Variants in CACNA1B observed in about 807,000 individuals in gnomAD.
The protein encoded by CACNA1B is voltage-dependent N-type calcium channel subunit alpha-1B.
Under a neutral mutation model 247.2 loss-of-function variants are expected in CACNA1B, and 70 were observed. The observed-to-expected ratio is 0.28, with a 90% CI of 0.23 to 0.35. CACNA1B has a LOEUF of 0.35. CACNA1B is among the 10% of genes least tolerant of loss of function. The probability of loss-of-function intolerance (pLI) is 1.00; values close to 1 mark genes in which losing one functional copy is unlikely to be tolerated. For missense variants in CACNA1B, 2,367 were observed against 3,197.4 expected, an observed-to-expected ratio of 0.74 and a Z score of 6.26; for synonymous variants, 1,231 against 1,294.4, an observed-to-expected ratio of 0.95 and a Z score of 1.05.
At chr9:138,088,161 G>T (rs1457780086) in intron 36 of CACNA1B, among the ~76,000 whole-genome samples, 1 of 152,112 alleles carries the variant, frequency 6.6e-6, no homozygotes, top group Non-Finnish European at 1.5e-5. Context: ...TTGAGGTTAG[G>T]AGTTCAAGAC....
In CACNA1B at chr9:137,964,762, G is replaced by T. The variant is rs193199731; in HGVS notation, c.1334-6621G>T. ...GCTGGAGAGGTGTTGTGGTCATTTGGAAGAAAAGGGGCACTCTGGCTTTTT... is the reference window on the plus strand; with the variant it reads ...GCTGGAGAGGTGTTGTGGTCATTTGTAAGAAAAGGGGCACTCTGGCTTTTT... On this transcript the variant is annotated intron_variant, in intron 10 of 46. Transcript: ENST00000371372. Among the ~76,000 whole-genome samples, 16 of 152,308 alleles carry T rather than the reference G, an allele frequency of 1.1e-4. No individual in the cohort carries two copies. In the East Asian group the frequency reaches 1.5e-3, roughly 15 times the overall value.
chr9:138,029,180 C>G (rs548364220), intron 20 of CACNA1B, among the ~76,000 whole-genome samples: 1 of 152,146 alleles, frequency 6.6e-6, no homozygotes, highest in Admixed American at 6.5e-5. Context: ...CATTATAAAA[C>G]TTGGCAGTGC....
intron 20 of CACNA1B, among the ~76,000 whole-genome samples, chr9:138,029,314 T>C (rs1296314359): frequency 6.6e-6 from 1 of 152,240 alleles, no homozygotes; most frequent in Admixed American, 6.5e-5. Flanking sequence ...TTATGTGGTC[T>C]TTAAATATTT....
At chr9:137,960,019 G>T (rs1462083651) in intron 10 of CACNA1B, among the ~76,000 whole-genome samples, 1 of 152,014 alleles carries the variant, frequency 6.6e-6, no homozygotes, top group African/African-American at 2.4e-5. Context: ...TTGAGTAAAA[G>T]AGTTGCAGGA....
At chr9:138,113,829 C>T (rs1340177353) in intron 40 of CACNA1B, among the ~76,000 whole-genome samples, 1 of 144,144 alleles carries the variant, frequency 6.9e-6, no homozygotes, top group Non-Finnish European at 1.5e-5. Flanking sequence ...CCGGGAGGTG[C>T]CCAACTCCAT....
At position 137,917,525 on chromosome 9, in the gene CACNA1B, C is replaced by T. The variant is rs1957425749; in HGVS notation, c.966+94C>T. ...CCATTTAGGGGGGCCCTTCTGACCTCAGAGCCTCTGCCCAGCCCTAGGCTC... is the reference window on the plus strand; with the variant it reads ...CCATTTAGGGGGGCCCTTCTGACCTTAGAGCCTCTGCCCAGCCCTAGGCTC... On this transcript the variant is annotated intron_variant, in intron 6 of 46. Coordinates refer to ENST00000371372, the MANE Select transcript of CACNA1B (RefSeq NM_000718.4). This position sits in a 1 kb window ranked among gnomAD's most constrained non-coding sequence, Gnocchi z 5.5. The T allele has an allele frequency of 9.0e-7, 1 of 1,113,868 alleles. No homozygotes were observed. The highest frequency in any genetic ancestry group is 1.3e-6 in the Non-Finnish European group (1 of 762,262). The allele number at this position is 1,113,868 out of a possible 1,614,324, so 69.0% of individuals were successfully genotyped here.
intron 10 of CACNA1B, among the ~76,000 whole-genome samples, chr9:137,965,033 C>T (rs886173214): frequency 1.3e-5 from 2 of 152,224 alleles, no homozygotes; most frequent in Admixed American, 6.5e-5. Flanking sequence ...CAGTGAAGGT[C>T]GTGAAACAGC....
At chr9:137,910,204 T>C (rs1957344957) in intron 3 of CACNA1B, among the ~76,000 whole-genome samples, 1 of 152,258 alleles carries the variant, frequency 6.6e-6, no homozygotes, top group African/African-American at 2.4e-5. Flanking sequence ...GGAAGAATGT[T>C]CATTCAAGTC....
At position 137,952,429 on chromosome 9, in the gene CACNA1B, G is replaced by GAACACAGA; in HGVS notation, c.1070+52_1070+53insAACACAGA. 7.1e-7 allele frequency: 1 copy of GAACACAGA among 1,416,340 alleles called. No homozygotes were observed. The highest frequency in any genetic ancestry group is 1.0e-6 in the Non-Finnish European group (1 of 1,001,310). The allele number at this position is 1,416,340 out of a possible 1,614,324, so 87.7% of individuals were successfully genotyped here. The stretch of plus-strand genomic sequence containing the variant: ...GGTGCCCCTCTGTGTTCTCAGCTGA[G>GAACACAGA]GGGTCAACAGGGGCACGTGTGACAC... On this transcript the variant is annotated intron_variant, in intron 7 of 46. Coordinates refer to ENST00000371372, the MANE Select transcript of CACNA1B (RefSeq NM_000718.4). The surrounding 1 kb of genome is among the most constrained non-coding windows in gnomAD (Gnocchi z 4.8).
Position 138,059,812 on chromosome 9 carries a change from TCCAGGC to T in CACNA1B, c.4668+78_4668+83del. 1 of 846,048 alleles carries T rather than the reference TCCAGGC, an allele frequency of 1.2e-6. No homozygotes were observed. Among genetic ancestry groups the T allele is most frequent in the Non-Finnish European group, 2.0e-6 (1 of 488,708 alleles). The allele number at this position is 846,048 out of a possible 1,614,324, so 52.4% of individuals were successfully genotyped here. A position where few individuals can be genotyped will look rare whatever the true frequency, so the allele number is the denominator to read the frequency against. ...TAGAGCCTGCTCCCCTCAGTGCATC[TCCAGGC>T]CCTGTGTTAGCCTCTTCCTGGGTTC... On this transcript the variant is annotated intron_variant, in intron 31 of 46. Transcript: ENST00000371372. This position sits in a 1 kb window ranked among gnomAD's most constrained non-coding sequence, Gnocchi z 4.2.
chr9:138,013,515 C>T (rs1368454094), intron 18 of CACNA1B, among the ~76,000 whole-genome samples: 1 of 152,098 alleles, frequency 6.6e-6, no homozygotes, highest in Non-Finnish European at 1.5e-5. Flanking sequence ...CTCAGGGTGG[C>T]TCCAGGCCCC....
At chr9:138,091,477 T>G (rs1960877657) in intron 36 of CACNA1B, among the ~76,000 whole-genome samples, 3 of 152,334 alleles carry the variant, frequency 2.0e-5, no homozygotes, top group African/African-American at 7.2e-5. Flanking sequence ...TCTGTATCAC[T>G]GTAGGGTGAC....
chr9:138,075,028 CAT>C (rs1423066772), intron 34 of CACNA1B, among the ~76,000 whole-genome samples: 1 of 152,168 alleles, frequency 6.6e-6, no homozygotes, highest in Non-Finnish European at 1.5e-5. Context: ...TTTAAAAAAA[CAT>C]AAAGCAGTGT....
chr9:137,894,862 G>T (rs536343398), intron 3 of CACNA1B, among the ~76,000 whole-genome samples: 1 of 152,064 alleles, frequency 6.6e-6, no homozygotes, highest in Non-Finnish European at 1.5e-5. Context: ...GAGACTTTGC[G>T]CAGCAAAACT....
Position 137,974,920 on chromosome 9 carries a change from A to G in CACNA1B, c.1544-987A>G, listed in dbSNP as rs542876503. Among the ~76,000 whole-genome samples, 1 of 152,202 alleles carries G rather than the reference A, an allele frequency of 6.6e-6. No individual in the cohort carries two copies. The highest frequency in any genetic ancestry group is 1.9e-4 in the East Asian group (1 of 5,182). On this transcript the variant is annotated intron_variant, in intron 11 of 46. Transcript: ENST00000371372. The surrounding 1 kb of genome is among the most constrained non-coding windows in gnomAD (Gnocchi z 4.5). ...CTTTGGCCTGACCAGCACTGTGAGA[A>G]GTTTAAGAGCCAATCCCTGCCCAAC... is the stretch of plus-strand genomic sequence containing the variant.
chr9:138,036,287 C>T (rs1455047990), intron 20 of CACNA1B, among the ~76,000 whole-genome samples: 1 of 152,154 alleles, frequency 6.6e-6, no homozygotes, highest in East Asian at 1.9e-4. Context: ...CTACAGGCGC[C>T]CGCCACCACG....
intron 13 of CACNA1B, among the ~76,000 whole-genome samples, chr9:137,984,451 C>G (rs7869398): frequency 1.3e-5 from 2 of 152,156 alleles, no homozygotes; most frequent in South Asian, 4.1e-4. Flanking sequence ...GACTGGCCTC[C>G]GTGCTGCCGG....
chr9:138,008,088 G>C (rs1165152243), intron 16 of CACNA1B, among the ~76,000 whole-genome samples: 1 of 152,218 alleles, frequency 6.6e-6, no homozygotes, highest in Non-Finnish European at 1.5e-5. Flanking sequence ...AGTTGAGTGT[G>C]TGTGAGCCTA....
Position 138,072,049 on chromosome 9 carries a change from C to CT in CACNA1B, c.4675-1436dup, listed in dbSNP as rs946236918. On this transcript the variant is annotated intron_variant, in intron 32 of 46. Transcript: ENST00000371372. This position sits in a 1 kb window ranked among gnomAD's most constrained non-coding sequence, Gnocchi z 4.5. ...CCATCTTGTCTACCGTGGAGATTTT[C>CT]TTTCCCTGGCACAAGCAGATTACGG... Among the ~76,000 whole-genome samples, 6 of 152,058 alleles carry CT rather than the reference C, an allele frequency of 3.9e-5. No individual in the cohort carries two copies. The highest frequency in any genetic ancestry group is 3.9e-4 in the Admixed American group (6 of 15,266).
Sources: allele counts gnomAD v4.1 joint callset (sites outside exome capture counted in the v4.1 genomes callset), GRCh38; gene constraint gnomAD v4.1.1; non-coding constraint Gnocchi (gnomAD v3.1); transcripts MANE v1.5; gene names NCBI Gene and HGNC (gene_info 2026-07-23, HGNC 2026-07-21).